The following DNAH12 variants were observed in gnomAD, a reference collection of about 807,000 sequenced individuals.
DNAH12 encodes the protein dynein axonemal heavy chain 12.
DNAH12 carries 285 observed loss-of-function variants against 371.5 expected under a neutral mutation model. The ratio of observed to expected loss-of-function variants is 0.77; its 90% CI spans 0.70 to 0.85. The LOEUF (loss-of-function observed/expected upper bound fraction) is 0.85, where lower values mean the gene tolerates loss of function less well. Ranked by LOEUF, DNAH12 falls within the 40% of genes least tolerant of loss-of-function variation. The pLI is 0.00. For missense variants in DNAH12, 3,611 were observed against 3,689.4 expected, an observed-to-expected ratio of 0.98 and a Z score of 0.55; for synonymous variants, 1,200 against 1,213.0, an observed-to-expected ratio of 0.99 and a Z score of 0.22.
At chr3:57,551,568 C>A in the DNAH12 span, among the ~76,000 whole-genome samples, 1 of 152,176 alleles carries the variant, frequency 6.6e-6, no homozygotes, top group East Asian at 1.9e-4. Flanking sequence ...CCGCGCCCGG[C>A]CACAAAATTA....
chr3:57,339,102 T>G (rs1043975978), intron 60 of DNAH12, among the ~76,000 whole-genome samples: 2 of 152,202 alleles, frequency 1.3e-5, no homozygotes, highest in Non-Finnish European at 2.9e-5. Context: ...CTCTGAAACA[T>G]GTGCTGTGTC....
chr3:57,508,182 A>C (rs2067837004), intron 7 of DNAH12, among the ~76,000 whole-genome samples, 200 bp downstream of exon 7: 1 of 134,888 alleles, frequency 7.4e-6, no homozygotes, highest in Non-Finnish European at 1.6e-5. Context: ...GCAAGACTCC[A>C]TCACGGGAAA....
At chr3:57,506,592 C>A (rs1015178519) in intron 8 of DNAH12, among the ~76,000 whole-genome samples, 10 of 152,066 alleles carry the variant, frequency 6.6e-5, no homozygotes, top group African/African-American at 2.4e-4. Context: ...CAAGCATATG[C>A]CACCACACCT....
chr3:57,468,792 C>A lies in DNAH12; in HGVS notation c.2293G>T (p.Asp765Tyr). Reference protein sequence around the residue: ...EEEKIEEEPKDNATITMCSTV... With the variant: ...EEEKIEEEPKYNATITMCSTV... ...CTGCACATAGTAATAGTAGCATTGT[C>A]TTTTGGTTCTTCTTCAATTTTCTCT... is the stretch of plus-strand genomic sequence containing the variant. Residue 765 changes from aspartate (D) to tyrosine (Y), a missense_variant, in exon 17 of 74, where the codon GAC becomes TAC. By Grantham distance (160) the Asp-to-Tyr change is radical. Around this residue, in one of 3 missense-constraint regions of DNAH12, gnomAD observed 1,314 missense variants for 1,398.7 expected, o/e 0.94. Transcript: ENST00000495027. 6.5e-7 allele frequency: 1 copy of A among 1,533,246 alleles called. No homozygotes were observed. Among genetic ancestry groups the A allele is most frequent in the Non-Finnish European group, 8.8e-7 (1 of 1,142,728 alleles). The allele number at this position is 1,533,246 out of a possible 1,614,324, so 95.0% of individuals were successfully genotyped here.
At chr3:57,362,008 C>T (rs1009464410) in intron 58 of DNAH12, among the ~76,000 whole-genome samples, 8 of 151,370 alleles carry the variant, frequency 5.3e-5, no homozygotes, top group Non-Finnish European at 5.9e-5. Context: ...TGCTATCCCT[C>T]CCCACTCCCC....
chr3:57,415,810 A>C, intron 37 of DNAH12, among the ~76,000 whole-genome samples: 1 of 134,506 alleles, frequency 7.4e-6, no homozygotes, highest in African/African-American at 2.8e-5. Context: ...TTTTTTTGAG[A>C]CAGAGTCTCA....
At chr3:57,458,045 C>G (rs778923502) in intron 21 of DNAH12, 42 bp from the exon 22 acceptor site, 3 of 1,539,098 alleles carry the variant, frequency 1.9e-6, no homozygotes, top group Non-Finnish European at 1.8e-6. Flanking sequence ...AGTTATAATT[C>G]ATCACACATA....
At chr3:57,385,779 G>A (rs2063488563) in intron 47 of DNAH12, among the ~76,000 whole-genome samples, 1 of 152,158 alleles carries the variant, frequency 6.6e-6, no homozygotes, top group Non-Finnish European at 1.5e-5. Flanking sequence ...CTACTTGGGA[G>A]GGTGAGACAG....
intron 60 of DNAH12, 78 bp from the exon 61 acceptor site, chr3:57,335,018 T>C (rs974682431): frequency 4.9e-6 from 7 of 1,437,258 alleles, no homozygotes; most frequent in African/African-American, 1.4e-5. Context: ...TTTTGTAACC[T>C]GGATAGAACA....
intron 25 of DNAH12, among the ~76,000 whole-genome samples, chr3:57,451,061 C>T (rs1039923125): frequency 6.6e-6 from 1 of 152,236 alleles, no homozygotes; most frequent in Non-Finnish European, 1.5e-5. Flanking sequence ...CAGGCTACAA[C>T]TGTACATCTG....
chr3:57,413,002 T>A (rs2153356389), intron 39 of DNAH12, among the ~76,000 whole-genome samples: 1 of 152,344 alleles, frequency 6.6e-6, no homozygotes, highest in Non-Finnish European at 1.5e-5. Flanking sequence ...TTATAGCAAC[T>A]TTATTCATAA....
chr3:57,366,029 T>C (rs1474548034), intron 57 of DNAH12, among the ~76,000 whole-genome samples: 2 of 152,118 alleles, frequency 1.3e-5, no homozygotes, highest in African/African-American at 4.8e-5. Flanking sequence ...GATTAAAACC[T>C]ACTGGATTGC....
At chr3:57,314,704 T>C in intron 65 of DNAH12, 73 bp from the exon 66 acceptor site, 4 of 1,420,004 alleles carry the variant, frequency 2.8e-6, no homozygotes, top group Non-Finnish European at 3.7e-6. Flanking sequence ...GAGGAATAGA[T>C]AAATGATCTT....
intron 59 of DNAH12, among the ~76,000 whole-genome samples, chr3:57,352,710 G>A (rs1377031784): frequency 6.6e-6 from 1 of 151,956 alleles, no homozygotes; most frequent in African/African-American, 2.4e-5. Flanking sequence ...ATGGTAGGGA[G>A]GGAAATGTAA....
chr3:57,310,976 G>T, intron 66 of DNAH12, 26 bp from the exon 67 acceptor site: 1 of 1,462,280 alleles, frequency 6.8e-7, no homozygotes, highest in Non-Finnish European at 9.4e-7. Flanking sequence ...AATGAAACAA[G>T]AAAAACCTTA....
At chr3:57,421,279 TG>T (rs1261368486) in intron 36 of DNAH12, among the ~76,000 whole-genome samples, 8 of 152,150 alleles carry the variant, frequency 5.3e-5, no homozygotes, top group African/African-American at 1.9e-4. Context: ...AAAAATGCTT[TG>T]GGGAATTATT....
At position 57,428,719 on chromosome 3, in the gene DNAH12, A is replaced by ACAGAGGTCCTTTCAGTGAATT. The variant is rs1234558749; in HGVS notation, c.5146_5166dup (p.Asn1716_Leu1722dup). The ACAGAGGTCCTTTCAGTGAATT allele has an allele frequency of 6.4e-7, 1 of 1,551,638 alleles. No individual in the cohort carries two copies. Among genetic ancestry groups the ACAGAGGTCCTTTCAGTGAATT allele is most frequent in the Admixed American group, 2.0e-5 (1 of 50,996 alleles). On this transcript the variant is annotated inframe_insertion, in exon 34 of 74. Coordinates refer to ENST00000495027, the MANE Select transcript of DNAH12 (RefSeq NM_001366028.2). ...AGAAGAGCTTGATATTCTGGTTCACACAGAGGTCCTTTCAGTGAATTCAAC... is the reference window on the plus strand; with the variant it reads ...AGAAGAGCTTGATATTCTGGTTCACACAGAGGTCCTTTCAGTGAATTCAGAGGTCCTTTCAGTGAATTCAAC...
At chr3:57,357,854 CA>C (rs1171031307) in intron 58 of DNAH12, among the ~76,000 whole-genome samples, 1 of 152,112 alleles carries the variant, frequency 6.6e-6, no homozygotes, top group East Asian at 1.9e-4. Context: ...AGTAGGTATT[CA>C]AAACTATTTG....
intron 30 of DNAH12, among the ~76,000 whole-genome samples, chr3:57,434,219 A>C (rs1219614288): frequency 6.6e-6 from 1 of 152,166 alleles, no homozygotes; most frequent in Non-Finnish European, 1.5e-5. Flanking sequence ...CCCTCCTGGC[A>C]CATATAGGAT....
Sources: gnomAD v4.1 joint callset for allele counts (sites outside exome capture counted in the v4.1 genomes callset) on GRCh38, gnomAD v4.1.1 for gene constraint, gnomAD v4.1.1 regional missense constraint, MANE v1.5 for transcripts, NCBI Gene and HGNC (gene_info 2026-07-23, HGNC 2026-07-21) for gene names.